ADAMTS17: variants seen among roughly 807,000 people sequenced by gnomAD.
ADAMTS17 encodes the protein ADAM metallopeptidase with thrombospondin type 1 motif 17.
A neutral mutation model predicts 141.5 loss-of-function variants in ADAMTS17; 113 were observed. The observed-to-expected ratio is 0.80, with a 90% CI of 0.69 to 0.93. The LOEUF (loss-of-function observed/expected upper bound fraction) is 0.93. Among genes scored for constraint, ADAMTS17 ranks in the 40% least tolerant of loss-of-function variants. ADAMTS17 has a pLI of 0.00. For missense variants in ADAMTS17, 1,659 were observed against 1,517.9 expected (o/e 1.09, Z -1.54); for synonymous variants, 768 against 630.6 (o/e 1.22, Z -3.27).
At chr15:100,109,179 A>T in intron 13 of ADAMTS17, 63 bp from the exon 14 acceptor site, 1 of 1,556,650 alleles carries the variant, frequency 6.4e-7, no homozygotes, top group East Asian at 2.4e-5. Flanking sequence ...TGCAGGGCAC[A>T]GGTACATGTG....
intron 13 of ADAMTS17, among the ~76,000 whole-genome samples, chr15:100,111,179 T>C (rs908454402): frequency 2.0e-4 from 30 of 152,068 alleles, no homozygotes; most frequent in African/African-American, 6.8e-4. Context: ...CACAAGGCAC[T>C]CTGGGGGGCA....
intron 10 of ADAMTS17, among the ~76,000 whole-genome samples, chr15:100,144,608 T>C (rs1419516010): frequency 6.6e-6 from 1 of 151,766 alleles, no homozygotes; most frequent in African/African-American, 2.4e-5. Flanking sequence ...TGGCTAAGAC[T>C]CCTGTGGTTT....
chr15:100,290,925 A>G (rs938766977), intron 3 of ADAMTS17, among the ~76,000 whole-genome samples: 5 of 152,178 alleles, frequency 3.3e-5, no homozygotes, highest in Admixed American at 6.5e-5. Flanking sequence ...ATACCATTCT[A>G]TACATAGGCC....
chr15:100,235,210 ACCAGGATT>A (rs748119846), intron 7 of ADAMTS17, among the ~76,000 whole-genome samples: 2 of 152,130 alleles, frequency 1.3e-5, no homozygotes, highest in Non-Finnish European at 2.9e-5. Context: ...CAGTGGTGTG[ACCAGGATT>A]CCATGTGCTA....
At chr15:100,317,203 A>G (rs903145930) in intron 3 of ADAMTS17, among the ~76,000 whole-genome samples, 3 of 152,222 alleles carry the variant, frequency 2.0e-5, no homozygotes, top group Non-Finnish European at 4.4e-5. Context: ...GGACTTGGAT[A>G]AAGACATAGT....
At chr15:99,996,686 C>T (rs1304715476) in intron 19 of ADAMTS17, among the ~76,000 whole-genome samples, 1 of 152,186 alleles carries the variant, frequency 6.6e-6, no homozygotes, top group Non-Finnish European at 1.5e-5. Flanking sequence ...ATTTTCCACA[C>T]TGAAGAGTGT....
At chr15:100,195,241 A>T (rs2141611636) in intron 8 of ADAMTS17, among the ~76,000 whole-genome samples, 1 of 152,316 alleles carries the variant, frequency 6.6e-6, no homozygotes, top group South Asian at 2.1e-4. Flanking sequence ...CTCACACAGC[A>T]CCTGCACCAG....
At chr15:99,995,392 A>C (rs1374876133) in intron 19 of ADAMTS17, among the ~76,000 whole-genome samples, 6 of 151,834 alleles carry the variant, frequency 4.0e-5, no homozygotes, top group Admixed American at 3.3e-4. Context: ...TCTTAACCAA[A>C]CTCTGACCAG....
intron 6 of ADAMTS17, among the ~76,000 whole-genome samples, chr15:100,260,911 T>C (rs994299618): frequency 1.1e-4 from 17 of 152,170 alleles, no homozygotes; most frequent in Non-Finnish European, 1.9e-4. Context: ...AAGGGAGAGT[T>C]TTGGTATGAA....
intron 15 of ADAMTS17, among the ~76,000 whole-genome samples, chr15:100,071,431 C>A (rs1437175262): frequency 1.3e-5 from 2 of 149,648 alleles, no homozygotes; most frequent in African/African-American, 5.0e-5. Flanking sequence ...CTGGCAGAGA[C>A]ACAACAAAAA....
chr15:99,984,249 C>T (rs2060538956), intron 20 of ADAMTS17, among the ~76,000 whole-genome samples: 2 of 152,308 alleles, frequency 1.3e-5, no homozygotes, highest in South Asian at 4.1e-4. Flanking sequence ...CTCTTGGGGA[C>T]TGAAGCGCAG....
At chr15:100,235,413 C>T (rs144614828) in intron 7 of ADAMTS17, among the ~76,000 whole-genome samples, 2 of 152,256 alleles carry the variant, frequency 1.3e-5, no homozygotes, top group East Asian at 3.9e-4. Flanking sequence ...ACACATACGG[C>T]CAGTAGAGTT....
rs75106824 is a variant in ADAMTS17 at position 100,204,173 on chromosome 15, C to G, written c.1076-4750G>C. Among the ~76,000 whole-genome samples, 205 of 152,296 alleles carry G rather than the reference C, an allele frequency of 1.3e-3. 1 individual carries two copies. The highest frequency in any genetic ancestry group is 2.7e-3 in the Non-Finnish European group (183 of 68,028). On this transcript the variant is annotated intron_variant, in intron 7 of 21. Coordinates refer to ENST00000268070, the MANE Select transcript of ADAMTS17 (RefSeq NM_139057.4). ...ACTCTTTATCTAGGGGCTGACCACT[C>G]GACTCTCTCTAGACTTAAGGAATAA...
intron 4 of ADAMTS17, among the ~76,000 whole-genome samples, chr15:100,274,204 ATTGTG>A (rs1397240623): frequency 6.6e-6 from 1 of 152,128 alleles, no homozygotes; most frequent in Non-Finnish European, 1.5e-5. Context: ...CAGTTGACTT[ATTGTG>A]TTAAGTCTTC....
chr15:100,192,326 G>C (rs996051840), intron 8 of ADAMTS17, among the ~76,000 whole-genome samples: 1 of 152,200 alleles, frequency 6.6e-6, no homozygotes, highest in African/African-American at 2.4e-5. Flanking sequence ...GGCCCAGGCA[G>C]GAACCTGCTG....
chr15:100,069,297 G>A (rs989783887), intron 15 of ADAMTS17, among the ~76,000 whole-genome samples: 2 of 152,302 alleles, frequency 1.3e-5, no homozygotes, highest in Admixed American at 6.5e-5. Context: ...GGGGAGAATG[G>A]AGCCAAGTTG....
chr15:100,227,468 C>T (rs2042346429), intron 7 of ADAMTS17, among the ~76,000 whole-genome samples: 1 of 152,208 alleles, frequency 6.6e-6, no homozygotes, highest in Admixed American at 6.5e-5. Context: ...CACTTGGCCG[C>T]AAGTAATAGA....
At chr15:100,210,627 T>C (rs1259435573) in intron 7 of ADAMTS17, among the ~76,000 whole-genome samples, 4 of 152,176 alleles carry the variant, frequency 2.6e-5, no homozygotes, top group African/African-American at 9.6e-5. Flanking sequence ...ATTTGGCCCA[T>C]TTAGGATTGA....
At chr15:100,160,096 G>A (rs8037201) in intron 8 of ADAMTS17, among the ~76,000 whole-genome samples, 79,932 of 151,872 alleles carry the variant, frequency 0.53, 23,532 homozygotes, top group Non-Finnish European at 0.69. Context: ...AGTGTCAAAC[G>A]TTACAAAATT....
Sources: gnomAD v4.1 joint callset for allele counts (sites outside exome capture counted in the v4.1 genomes callset) on GRCh38, gnomAD v4.1.1 for gene constraint, MANE v1.5 for transcripts, NCBI Gene and HGNC (gene_info 2026-07-23, HGNC 2026-07-21) for gene names.